The following FOXP1 variants were observed in gnomAD, a reference collection of about 807,000 sequenced individuals.
FOXP1 encodes the protein forkhead box protein P1.
Under a neutral mutation model 98.2 loss-of-function variants are expected in FOXP1, and 15 were observed. That is an observed-to-expected ratio of 0.15 (90% CI 0.10 to 0.24). The LOEUF (loss-of-function observed/expected upper bound fraction) is 0.24, where lower values mean the gene tolerates loss of function less well. Ranked by LOEUF, FOXP1 falls within the 10% of genes least tolerant of loss-of-function variation. The pLI, the probability that FOXP1 is intolerant of heterozygous loss-of-function variation, is 1.00. For synonymous variants in FOXP1, 371 were observed against 314.5 expected (o/e 1.18, Z -1.90); for missense variants, 633 against 848.5 (o/e 0.75, Z 3.15).
At chr3:71,386,263 C>G (rs953813935) in intron 3 of FOXP1, among the ~76,000 whole-genome samples, 1 of 152,164 alleles carries the variant, frequency 6.6e-6, no homozygotes, top group Non-Finnish European at 1.5e-5. Flanking sequence ...CAGTTCTGAC[C>G]AGAGACTCCT....
chr3:71,570,539 C>T (rs901141596), intron 2 of FOXP1: 1 of 152,268 alleles, frequency 6.6e-6, no homozygotes, highest in African/African-American at 2.4e-5. Context: ...GTTTGTCGAG[C>T]CAGCCTCTGT....
intron 3 of FOXP1, among the ~76,000 whole-genome samples, chr3:71,451,538 T>G (rs1056651424): frequency 6.6e-6 from 1 of 152,138 alleles, no homozygotes; most frequent in African/African-American, 2.4e-5. Flanking sequence ...TAAATGAGTT[T>G]TTTTTTTAAC....
At chr3:71,428,827 A>T (rs982055517) in intron 3 of FOXP1, among the ~76,000 whole-genome samples, 3 of 152,222 alleles carry the variant, frequency 2.0e-5, no homozygotes, top group Non-Finnish European at 4.4e-5. Flanking sequence ...GGTTAAGCAC[A>T]CACTTCACCT....
chr3:71,556,695 C>A (rs1296024597), intron 2 of FOXP1, among the ~76,000 whole-genome samples: 1 of 144,428 alleles, frequency 6.9e-6, no homozygotes. Flanking sequence ...TATTGTAACT[C>A]TTCTTACTAG....
intron 2 of FOXP1, among the ~76,000 whole-genome samples, chr3:71,549,400 A>G (rs2045601525): frequency 6.6e-6 from 1 of 152,168 alleles, no homozygotes. Context: ...TTTGAGATGG[A>G]GTCACACTCT....
chr3:71,498,733 A>G (rs896486775), intron 2 of FOXP1, among the ~76,000 whole-genome samples: 4 of 152,200 alleles, frequency 2.6e-5, no homozygotes, highest in Non-Finnish European at 5.9e-5. Context: ...ACTCACAGAC[A>G]TCTTGACCAA....
chr3:71,490,966 C>T (rs543101495), intron 3 of FOXP1, among the ~76,000 whole-genome samples: 18 of 152,184 alleles, frequency 1.2e-4, no homozygotes, highest in Admixed American at 4.6e-4. Context: ...TGAAACAGAC[C>T]GAGGCTTTGT....
intron 5 of FOXP1, among the ~76,000 whole-genome samples, chr3:71,220,296 A>G (rs1487067959): frequency 2.6e-5 from 4 of 152,256 alleles, no homozygotes; most frequent in Non-Finnish European, 5.9e-5. Flanking sequence ...GATTATAGGA[A>G]CTGAGGCAAC....
chr3:71,156,380 GC>G (rs1245710875), intron 6 of FOXP1, among the ~76,000 whole-genome samples: 2 of 152,136 alleles, frequency 1.3e-5, no homozygotes, highest in Non-Finnish European at 2.9e-5. Flanking sequence ...AACATTGCCA[GC>G]CTCAAAGGCC....
intron 3 of FOXP1, among the ~76,000 whole-genome samples, chr3:71,427,328 C>A (rs2084251807): frequency 6.6e-6 from 1 of 152,058 alleles, no homozygotes; most frequent in Admixed American, 6.5e-5. Context: ...TCACACAGAG[C>A]AAAAGGAGCA....
At chr3:71,526,731 G>C (rs2043410586) in intron 2 of FOXP1, among the ~76,000 whole-genome samples, 1 of 152,170 alleles carries the variant, frequency 6.6e-6, no homozygotes, top group African/African-American at 2.4e-5. Flanking sequence ...ACTTTGGGAG[G>C]CCGAGGTGGG....
chr3:71,473,982 T>C (rs932171649), intron 3 of FOXP1, among the ~76,000 whole-genome samples: 1 of 152,186 alleles, frequency 6.6e-6, no homozygotes, highest in African/African-American at 2.4e-5. Flanking sequence ...TAATAATATC[T>C]GTGTAATGAC....
At chr3:71,082,961 G>C (rs1217034942) in intron 7 of FOXP1, among the ~76,000 whole-genome samples, 1 of 152,168 alleles carries the variant, frequency 6.6e-6, no homozygotes, top group African/African-American at 2.4e-5. Flanking sequence ...TCTTCTAAAA[G>C]GAACCTGAGT....
chr3:71,518,243 A>C (rs1259190224), intron 2 of FOXP1, among the ~76,000 whole-genome samples: 1 of 152,176 alleles, frequency 6.6e-6, no homozygotes, highest in Non-Finnish European at 1.5e-5. Flanking sequence ...ATCTCATCAG[A>C]TCACCAGCAG....
rs1465365055 is a variant in FOXP1, at chr3:70,967,709, TG to T, written c.1723-1654del. ...TTTGTTTTTTTTTTTTGTTTTTTTT[TG>T]TTTTTTTTTTTTTTTTTTGCAAACT... On this transcript the variant is annotated intron_variant, in intron 19 of 20. Coordinates refer to ENST00000649528, the MANE Select transcript of FOXP1 (RefSeq NM_001349338.3). Among the ~76,000 whole-genome samples, 429 of 121,112 alleles carry T rather than the reference TG, an allele frequency of 3.5e-3. 21 individuals carry two copies. Among genetic ancestry groups the T allele is most frequent in the African/African-American group, 0.011 (310 of 28,498 alleles). The allele number at this position is 121,112 out of a possible 152,430, so 79.5% of individuals were successfully genotyped here.
At chr3:71,396,417 A>G (rs1352950426) in intron 3 of FOXP1, among the ~76,000 whole-genome samples, 3 of 152,114 alleles carry the variant, frequency 2.0e-5, no homozygotes, top group Non-Finnish European at 4.4e-5. Context: ...CATTTTGTAA[A>G]TGAGGAAACT....
intron 2 of FOXP1, among the ~76,000 whole-genome samples, chr3:71,509,524 T>C (rs1203388337): frequency 2.6e-5 from 4 of 152,164 alleles, no homozygotes; most frequent in Non-Finnish European, 4.4e-5. Flanking sequence ...AGTGAGGTAC[T>C]GGGGGTGAGG....
At chr3:71,181,930 G>A (rs1282774372) in intron 6 of FOXP1, among the ~76,000 whole-genome samples, 3 of 151,752 alleles carry the variant, frequency 2.0e-5, no homozygotes, top group Non-Finnish European at 4.4e-5. Context: ...AGCTACTCAG[G>A]AGGCTGAGGC....
In FOXP1 at chr3:71,044,492, T is replaced by C. The variant is rs577575608; in HGVS notation, c.664+2450A>G. 3.3e-5 allele frequency among the ~76,000 whole-genome samples: 5 copies of C among 152,234 alleles called. No individual in the cohort carries two copies. The South Asian group carries it at 1.0e-3, about 32-fold the overall frequency. ...CAATAACCTTAAAAACAACACAAAA[T>C]ATCCCTCCATTTCCTATTATAAAAC... On this transcript the variant is annotated intron_variant, in intron 10 of 20. Coordinates refer to ENST00000649528, the MANE Select transcript of FOXP1 (RefSeq NM_001349338.3).
Sources: allele counts gnomAD v4.1 joint callset (sites outside exome capture counted in the v4.1 genomes callset), GRCh38; gene constraint gnomAD v4.1.1; transcripts MANE v1.5; gene names NCBI Gene and HGNC (gene_info 2026-07-23, HGNC 2026-07-21).